Variants in PCDHGB6 observed in about 807,000 individuals in gnomAD.
The protein encoded by PCDHGB6 is protocadherin gamma-B6.
A neutral mutation model predicts 59.1 loss-of-function variants in PCDHGB6; 51 were observed. That is an observed-to-expected ratio of 0.86 (90% CI 0.69 to 1.09). The LOEUF (loss-of-function observed/expected upper bound fraction) is 1.09. Ranked by LOEUF, PCDHGB6 falls within the 50% of genes least tolerant of loss-of-function variation. The pLI is 0.00. For synonymous variants in PCDHGB6, 466 were observed against 495.1 expected, an observed-to-expected ratio of 0.94 and a Z score of 0.78; for missense variants, 1,148 against 1,205.1, an observed-to-expected ratio of 0.95 and a Z score of 0.70.
At chr5:141,461,602 A>G (rs971808608) in intron 1 of PCDHGB6, among the ~76,000 whole-genome samples, 2 of 152,172 alleles carry the variant, frequency 1.3e-5, no homozygotes, top group African/African-American at 4.8e-5. Flanking sequence ...ATTATAATTT[A>G]GTTCAAAGTA....
At chr5:141,464,680 A>G (rs747974832) in intron 1 of PCDHGB6, among the ~76,000 whole-genome samples, 3 of 152,144 alleles carry the variant, frequency 2.0e-5, no homozygotes, top group Non-Finnish European at 4.4e-5. Flanking sequence ...TTTTAATTAA[A>G]ATTTCTCTTA....
intron 3 of PCDHGB6, among the ~76,000 whole-genome samples, chr5:141,508,772 C>T (rs1015277795): frequency 5.3e-5 from 8 of 152,070 alleles, no homozygotes; most frequent in African/African-American, 1.2e-4. Flanking sequence ...TGAGGTCCCC[C>T]CTCTAGCCCC....
chr5:141,448,211 T>TA (rs2098575794), intron 1 of PCDHGB6, among the ~76,000 whole-genome samples: 1 of 152,212 alleles, frequency 6.6e-6, no homozygotes, highest in East Asian at 1.9e-4. Flanking sequence ...TTTCTGTGTG[T>TA]ATGCGAATGT....
intron 1 of PCDHGB6, chr5:141,427,278 A>G (rs981860450): frequency 2.2e-6 from 1 of 456,706 alleles, no homozygotes; most frequent in Non-Finnish European, 4.4e-6. Context: ...ATGTAAAATT[A>G]TACTAGAAAT....
Position 141,409,165 on chromosome 5 carries a change from G to T in PCDHGB6, c.963G>T (p.Ala321=), listed in dbSNP as rs2095233723. ...DVERYTMEVE[A]KDGGGLSTQC... ...AAAGGTACACCATGGAAGTGGAAGC[G>T]AAGGACGGAGGTGGTCTCTCTACCC... The change falls in exon 1 of 4, where the codon GCG becomes GCT. Residue 321 remains alanine, a synonymous_variant. Coordinates refer to ENST00000520790, the MANE Select transcript of PCDHGB6 (RefSeq NM_018926.3). 1 of 1,613,886 alleles carries T rather than the reference G, an allele frequency of 6.2e-7. No homozygotes were observed. Among genetic ancestry groups the T allele is most frequent in the Admixed American group, 1.7e-5 (1 of 60,002 alleles).
At chr5:141,444,578 C>G (rs1030770037) in intron 1 of PCDHGB6, among the ~76,000 whole-genome samples, 1 of 152,134 alleles carries the variant, frequency 6.6e-6, no homozygotes, top group Non-Finnish European at 1.5e-5. Context: ...TTGACTCTTC[C>G]TTTCTACTTA....
intron 1 of PCDHGB6, chr5:141,418,028 A>C (rs767425160): frequency 1.2e-6 from 2 of 1,613,970 alleles, no homozygotes; most frequent in East Asian, 4.5e-5. Context: ...TCTAGGGCTT[A>C]GTGTCCTGGA....
rs191916514 is a variant in PCDHGB6, at chr5:141,456,716, G to A, written c.2419-38091G>A. 3.9e-3 allele frequency among the ~76,000 whole-genome samples: 589 copies of A among 152,314 alleles called. 5 individuals carry two copies. Among genetic ancestry groups the A allele is most frequent in the Admixed American group, 0.011 (169 of 15,300 alleles). On this transcript the variant is annotated intron_variant, in intron 1 of 3. Transcript: ENST00000520790. ...GTGGTGGCTCGCGCCTGTAATCCCA[G>A]CACTTTGGGAGGCTGAGGCGGGAGC...
intron 1 of PCDHGB6, chr5:141,427,900 C>T (rs1351712272): frequency 2.5e-6 from 4 of 1,571,732 alleles, no homozygotes; most frequent in Non-Finnish European, 3.5e-6. Flanking sequence ...GGCTCGCCCG[C>T]GCTCAGCGCC....
At chr5:141,428,174 G>A (rs962782246) in intron 1 of PCDHGB6, 3 of 1,515,246 alleles carry the variant, frequency 2.0e-6, no homozygotes, top group Non-Finnish European at 2.7e-6. Context: ...TGTGCGTGAC[G>A]GAGGACAGCC....
At position 141,431,516 on chromosome 5, in the gene PCDHGB6, G is replaced by C. The variant is rs941913367; in HGVS notation, c.2418+20896G>C. 3.1e-6 allele frequency: 5 copies of C among 1,613,954 alleles called. No homozygotes were observed. In the African/African-American group the frequency reaches 6.7e-5, roughly 22 times the overall value. On this transcript the variant is annotated intron_variant, in intron 1 of 3. Coordinates refer to ENST00000520790, the MANE Select transcript of PCDHGB6 (RefSeq NM_018926.3). This position sits in a 1 kb window ranked among gnomAD's most constrained non-coding sequence, Gnocchi z 4.8. ...GCCCGAGTACCGCGCGAGCGTTCCG[G>C]AGAATCTGGCCTTGGGCACGCAGCT... is the stretch of plus-strand genomic sequence containing the variant.
intron 1 of PCDHGB6, chr5:141,427,922 G>A: frequency 6.3e-7 from 1 of 1,580,742 alleles, no homozygotes; most frequent in Non-Finnish European, 8.6e-7. Flanking sequence ...ACATGAGCCG[G>A]CGCATGTTGG....
intron 1 of PCDHGB6, among the ~76,000 whole-genome samples, chr5:141,435,953 G>A (rs2097789156): frequency 6.6e-6 from 1 of 151,984 alleles, no homozygotes; most frequent in Non-Finnish European, 1.5e-5. Context: ...CAAAAAAGGG[G>A]GCAAAATATA....
chr5:141,418,063 G>T (rs2015825), intron 1 of PCDHGB6: 734,858 of 1,613,808 alleles, frequency 0.46, 174,471 homozygotes, highest in African/African-American at 0.8. Flanking sequence ...AGCTGCGAGT[G>T]AGCGCGGAGA....
At position 141,511,271 on chromosome 5, in the gene PCDHGB6, C is replaced by T. The variant is rs371445452; in HGVS notation, c.*98C>T. ...GCCTCAGAGTTTCAGGGCTAACCCC[C>T]AGAATACTGGTAGGGGCCAAGGCCA... On this transcript the variant is annotated 3_prime_UTR_variant, in exon 4 of 4. Transcript: ENST00000520790. 9.1e-6 allele frequency: 14 copies of T among 1,544,094 alleles called. No individual in the cohort carries two copies. In the African/African-American group the frequency reaches 1.6e-4, roughly 18 times the overall value.
intron 1 of PCDHGB6, chr5:141,430,941 A>G: frequency 6.2e-7 from 1 of 1,608,258 alleles, no homozygotes; most frequent in Non-Finnish European, 8.5e-7. Context: ...GAGCTCGCGG[A>G]GCGCGGAGTC....
At chr5:141,414,460 A>G in intron 1 of PCDHGB6, 1 of 1,613,922 alleles carries the variant, frequency 6.2e-7, no homozygotes, top group Non-Finnish European at 8.5e-7. Context: ...AGTGACAGCC[A>G]CAGATGGGGG....
chr5:141,487,684 C>G lies in PCDHGB6; in HGVS notation c.2419-7123C>G. On this transcript the variant is annotated intron_variant, in intron 1 of 3. Coordinates refer to ENST00000520790, the MANE Select transcript of PCDHGB6 (RefSeq NM_018926.3). The surrounding 1 kb of genome is among the most constrained non-coding windows in gnomAD (Gnocchi z 5.0). ...ATCCAGGCATATGGCTAGGCCATGT[C>G]CTAGAGAGTACTGGCCTCTCAGTAA... is the stretch of plus-strand genomic sequence containing the variant. The G allele has an allele frequency of 6.2e-7, 1 of 1,607,562 alleles. No individual in the cohort carries two copies. Among genetic ancestry groups the G allele is most frequent in the East Asian group, 2.2e-5 (1 of 44,768 alleles).
intron 1 of PCDHGB6, chr5:141,418,614 G>C: frequency 1.2e-6 from 2 of 1,613,994 alleles, no homozygotes; most frequent in Non-Finnish European, 1.7e-6. Flanking sequence ...GTTAGCCTTC[G>C]GGAAGACGTG....
Sources: allele counts gnomAD v4.1 joint callset (sites outside exome capture counted in the v4.1 genomes callset), GRCh38; gene constraint gnomAD v4.1.1; non-coding constraint Gnocchi (gnomAD v3.1); transcripts MANE v1.5; gene names NCBI Gene and HGNC (gene_info 2026-07-23, HGNC 2026-07-21).